The following PIP5K1A variants were observed in gnomAD, a reference collection of about 807,000 sequenced individuals.
PIP5K1A encodes the protein phosphatidylinositol-4-phosphate 5-kinase type 1 alpha, also known as phosphatidylinositol 4-phosphate 5-kinase type-1 alpha.
A neutral mutation model predicts 72.9 loss-of-function variants in PIP5K1A; 46 were observed. That is an observed-to-expected ratio of 0.63 (90% CI 0.50 to 0.81). The LOEUF is 0.81. PIP5K1A is among the 30% of genes least tolerant of loss of function. The pLI, the probability that PIP5K1A is intolerant of heterozygous loss-of-function variation, is 0.00. For synonymous variants in PIP5K1A, 228 were observed against 255.1 expected, an observed-to-expected ratio of 0.89 and a Z score of 1.01; for missense variants, 458 against 706.1, an observed-to-expected ratio of 0.65 and a Z score of 3.98.
At chr1:151,239,642 C>T (rs141830781) in intron 11 of PIP5K1A, among the ~76,000 whole-genome samples, 4 of 152,288 alleles carry the variant, frequency 2.6e-5, no homozygotes, top group Non-Finnish European at 5.9e-5. Context: ...ATTCTCATGC[C>T]TCAGCCTCCC....
At chr1:151,245,264 C>T (rs1692332186) in intron 14 of PIP5K1A, among the ~76,000 whole-genome samples, 1 of 152,146 alleles carries the variant, frequency 6.6e-6, no homozygotes, top group African/African-American at 2.4e-5. Flanking sequence ...TTCTACTTCT[C>T]ACATAATCAC....
At position 151,203,422 on chromosome 1, in the gene PIP5K1A, A is replaced by G. The variant is rs587764521; in HGVS notation, c.85+4341A>G. On this transcript the variant is annotated intron_variant, in intron 1 of 15. Transcript: ENST00000368888. Reference sequence around the variant, plus strand: ...CAGGCACCTGTAATCCCAGCTACTCAGGAGGCTGAGGCAGGAGAATTGCTT... The same window carrying G: ...CAGGCACCTGTAATCCCAGCTACTCGGGAGGCTGAGGCAGGAGAATTGCTT... Among the ~76,000 whole-genome samples the G allele has an allele frequency of 7.2e-5, 11 of 151,770 alleles. No homozygotes were observed. In the South Asian group the frequency reaches 2.3e-3, roughly 32 times the overall value.
intron 1 of PIP5K1A, chr1:151,216,003 A>G: frequency 2.3e-6 from 3 of 1,290,814 alleles, no homozygotes; most frequent in Non-Finnish European, 3.1e-6. Context: ...TAAGAGAGGT[A>G]GATCTGATGT....
chr1:151,234,221 T>C lies in PIP5K1A; in HGVS notation c.664T>C (p.Leu222=). 6.2e-7 allele frequency: 1 copy of C among 1,605,244 alleles called. No individual in the cohort carries two copies. The highest frequency in any genetic ancestry group is 8.5e-7 in the Non-Finnish European group (1 of 1,173,318). Residue 222 remains leucine (L), a synonymous_variant, in exon 8 of 16, where the codon TTG becomes CTG. Transcript: ENST00000368888. The part of the protein sequence containing the change: ...YMNLNQNPRT[L]LPKFYGLYCV... ...GAACCTCAACCAGAACCCTCGGACT[T>C]TGCTGCCTAAATTCTATGGACTGTA...
chr1:151,230,998 G>C (rs1243101869), intron 4 of PIP5K1A, among the ~76,000 whole-genome samples: 1 of 152,152 alleles, frequency 6.6e-6, no homozygotes, highest in Non-Finnish European at 1.5e-5. Context: ...CTGAGGTTAG[G>C]AGCTTGAGAC....
rs767279975 is a variant in PIP5K1A at position 151,242,131 on chromosome 1, T to C, written c.1372T>C (p.Ser458Pro). The C allele has an allele frequency of 5.6e-6, 9 of 1,614,140 alleles. No homozygotes were observed. Among genetic ancestry groups the C allele is most frequent in the Non-Finnish European group, 7.6e-6 (9 of 1,180,014 alleles). Residue 458 changes from serine to proline, a missense_variant, in exon 13 of 16, where the codon TCT (serine) becomes CCT (proline). Ser to Pro is a moderately conservative substitution (Grantham distance 74, BLOSUM62 -1). Transcript: ENST00000368888. ...CTCTTTCCCTTTTGAAGTGAAGCCT[T>C]CTCCTTCCAAAAAGTTTCGGTCTGG... ...TVFKKIPLKP[S>P]PSKKFRSGSS...
At chr1:151,205,864 C>G (rs955864823) in intron 1 of PIP5K1A, among the ~76,000 whole-genome samples, 1 of 151,994 alleles carries the variant, frequency 6.6e-6, no homozygotes, top group Non-Finnish European at 1.5e-5. Context: ...ACTGGGTTTC[C>G]TTGATCAAGG....
chr1:151,242,603 T>C (rs1279650584), intron 14 of PIP5K1A, 36 bp downstream of exon 14: 7 of 1,583,884 alleles, frequency 4.4e-6, no homozygotes, highest in Non-Finnish European at 5.2e-6. Flanking sequence ...TATAATCTTA[T>C]CTCTCTTTTC....
rs1684817076 is a variant in PIP5K1A, at chr1:151,199,049, A to G, written c.53A>G (p.Asp18Gly). 2 of 1,614,070 alleles carry G rather than the reference A, an allele frequency of 1.2e-6. No homozygotes were observed. Among genetic ancestry groups the G allele is most frequent in the Non-Finnish European group, 1.7e-6 (2 of 1,180,024 alleles). The change falls in exon 1 of 16, where the codon GAT (aspartate) becomes GGT (glycine). Residue 18 changes from aspartate to glycine, a missense_variant. By Grantham distance (94) the Asp-to-Gly change is moderately conservative (BLOSUM62 -1). Around this residue, in one of 3 missense-constraint regions of PIP5K1A, gnomAD observed 81 missense variants for 88.0 expected, o/e 0.92. Transcript: ENST00000368888. ...PSSSVGFSSF[D>G]PAVPSCTLSS... ...TCTTCGGTCGGTTTTTCATCCTTTG[A>G]TCCCGCGGTCCCTTCCTGTACCTTG...
intron 8 of PIP5K1A, 80 bp downstream of exon 8, chr1:151,234,576 T>C: frequency 9.0e-7 from 1 of 1,108,520 alleles, no homozygotes; most frequent in Non-Finnish European, 1.4e-6. Context: ...TTGTGGGAGA[T>C]GGAACTCTGT....
At chr1:151,225,144 G>A (rs1688919142) in intron 3 of PIP5K1A, among the ~76,000 whole-genome samples, 1 of 152,134 alleles carries the variant, frequency 6.6e-6, no homozygotes, top group Non-Finnish European at 1.5e-5. Context: ...AGACAGGCCT[G>A]TGCAACATAG....
At chr1:151,213,623 CTTAT>C (rs1442897904) in intron 1 of PIP5K1A, 1 of 152,130 alleles carries the variant, frequency 6.6e-6, no homozygotes, top group Admixed American at 6.6e-5. Context: ...AAGACTTATA[CTTAT>C]TTTTAGCTTA....
chr1:151,209,864 G>T (rs775006234), intron 1 of PIP5K1A, among the ~76,000 whole-genome samples: 3 of 151,832 alleles, frequency 2.0e-5, no homozygotes, highest in African/African-American at 7.3e-5. Context: ...GAGTCACCAC[G>T]ACTAGCCTGC....
chr1:151,233,936 TC>T (rs1690487818), intron 7 of PIP5K1A, among the ~76,000 whole-genome samples: 2 of 152,186 alleles, frequency 1.3e-5, no homozygotes, highest in African/African-American at 4.8e-5. Context: ...CTTAAATCTC[TC>T]TGAAGAAATA....
rs1404650771 is a variant in PIP5K1A at position 151,246,915 on chromosome 1, G to A, written c.1641-5G>A. The A allele has an allele frequency of 2.5e-6, 4 of 1,609,934 alleles. No homozygotes were observed. Among genetic ancestry groups the A allele is most frequent in the Non-Finnish European group, 3.4e-6 (4 of 1,177,094 alleles). On this transcript the variant is annotated splice_region_variant and splice_polypyrimidine_tract_variant and intron_variant, in intron 14 of 15. Transcript: ENST00000368888. Reference sequence around the variant, plus strand: ...TCTCTGCTTCCATTTTTTTTCTCCTGTTAGTACAACCTTGGAAAAGCTTGA... The same window carrying A: ...TCTCTGCTTCCATTTTTTTTCTCCTATTAGTACAACCTTGGAAAAGCTTGA...
chr1:151,214,190 C>T (rs1687254405), intron 1 of PIP5K1A, among the ~76,000 whole-genome samples: 1 of 151,990 alleles, frequency 6.6e-6, no homozygotes, highest in Non-Finnish European at 1.5e-5. Flanking sequence ...AGATTCTTTC[C>T]AATAATGGGA....
chr1:151,221,465 ATAG>A (rs1181768748), intron 1 of PIP5K1A, among the ~76,000 whole-genome samples: 3 of 152,152 alleles, frequency 2.0e-5, no homozygotes, highest in African/African-American at 7.2e-5. Context: ...CTCCTCTCTT[ATAG>A]TACGTGCCAC....
At chr1:151,238,146 C>A (rs1403108323) in intron 9 of PIP5K1A, 36 bp from the exon 10 acceptor site, 6 of 1,397,678 alleles carry the variant, frequency 4.3e-6, no homozygotes, top group African/African-American at 1.4e-5. Flanking sequence ...AACTAGCCAA[C>A]AGATTTTCTC....
chr1:151,234,838 A>C (rs189156549), intron 8 of PIP5K1A, among the ~76,000 whole-genome samples: 31 of 152,352 alleles, frequency 2.0e-4, no homozygotes, highest in African/African-American at 7.5e-4. Flanking sequence ...AGAATATTAC[A>C]CAACCGTGTA....
Sources: allele counts gnomAD v4.1 joint callset (sites outside exome capture counted in the v4.1 genomes callset), GRCh38; gene constraint gnomAD v4.1.1; regional missense constraint gnomAD v4.1.1; transcripts MANE v1.5; gene names NCBI Gene and HGNC (gene_info 2026-07-23, HGNC 2026-07-21).